PRKCE: variants seen among roughly 807,000 people sequenced by gnomAD.
The protein encoded by PRKCE is protein kinase C epsilon.
Under a neutral mutation model 85.4 loss-of-function variants are expected in PRKCE, and 16 were observed. The observed-to-expected ratio is 0.19, with a 90% CI of 0.13 to 0.28. The LOEUF is 0.28. PRKCE is among the 10% of genes least tolerant of loss of function. The pLI is 1.00. For missense variants in PRKCE, 573 were observed against 975.2 expected, an observed-to-expected ratio of 0.59 and a Z score of 5.49; for synonymous variants, 388 against 371.5, an observed-to-expected ratio of 1.04 and a Z score of -0.51.
chr2:45,818,809 A>G (rs945974562), intron 1 of PRKCE, among the ~76,000 whole-genome samples: 3 of 152,230 alleles, frequency 2.0e-5, no homozygotes, highest in African/African-American at 7.2e-5. Context: ...TTTCCAAAAC[A>G]TGGATAATGA....
At chr2:46,021,655 C>A (rs1203314988) in intron 10 of PRKCE, among the ~76,000 whole-genome samples, 2 of 152,198 alleles carry the variant, frequency 1.3e-5, no homozygotes, top group Non-Finnish European at 2.9e-5. Flanking sequence ...CATTTGGTCA[C>A]AGTTCAGTTG....
At chr2:45,899,944 C>T (rs183493613) in intron 2 of PRKCE, among the ~76,000 whole-genome samples, 11 of 152,236 alleles carry the variant, frequency 7.2e-5, no homozygotes, top group African/African-American at 1.7e-4. Context: ...TCTACTAGCC[C>T]GGGCTCAACT....
intron 1 of PRKCE, among the ~76,000 whole-genome samples, chr2:45,670,336 C>T (rs1041454471): frequency 5.3e-5 from 8 of 152,156 alleles, no homozygotes; most frequent in African/African-American, 1.9e-4. Flanking sequence ...AAGGCATATC[C>T]TGTCTAGGCT....
chr2:45,676,468 A>G (rs1572907652), intron 1 of PRKCE, among the ~76,000 whole-genome samples: 1 of 152,262 alleles, frequency 6.6e-6, no homozygotes, highest in Non-Finnish European at 1.5e-5. Flanking sequence ...GACGTCAATA[A>G]GGATTATATT....
At chr2:45,896,754 G>A (rs368233067) in intron 2 of PRKCE, among the ~76,000 whole-genome samples, 20 of 152,310 alleles carry the variant, frequency 1.3e-4, no homozygotes, top group African/African-American at 4.6e-4. Context: ...TAGGTGCGCA[G>A]TAGAGCTTCA....
At chr2:46,097,614 G>A (rs188558764) in intron 11 of PRKCE, among the ~76,000 whole-genome samples, 103 of 151,882 alleles carry the variant, frequency 6.8e-4, no homozygotes, top group African/African-American at 2.0e-3. Context: ...TGAGAACCCG[G>A]CCCAAGCCCT....
chr2:45,907,051 T>G lies in PRKCE; in HGVS notation c.412+63988T>G, dbSNP rs1303011809. On this transcript the variant is annotated intron_variant, in intron 2 of 14. Coordinates refer to ENST00000306156, the MANE Select transcript of PRKCE (RefSeq NM_005400.3). The surrounding 1 kb of genome is among the most constrained non-coding windows in gnomAD (Gnocchi z 4.5). The stretch of plus-strand genomic sequence containing the variant: ...GGATGGGGCCCCAGTTGCTCCAAAA[T>G]TAGGCGTCGGAGGTCTAAGTGGTAT... Among the ~76,000 whole-genome samples, 1 of 151,110 alleles carries G rather than the reference T, an allele frequency of 6.6e-6. No homozygotes were observed. Among genetic ancestry groups the G allele is most frequent in the Non-Finnish European group, 1.5e-5 (1 of 67,912 alleles).
chr2:46,015,818 G>C (rs1247515639), intron 10 of PRKCE, among the ~76,000 whole-genome samples: 1 of 151,834 alleles, frequency 6.6e-6, no homozygotes, highest in African/African-American at 2.4e-5. Context: ...TCTCTTTCCT[G>C]CTAGACCATA....
intron 10 of PRKCE, among the ~76,000 whole-genome samples, chr2:46,067,156 T>C (rs1017033165): frequency 6.6e-5 from 10 of 152,358 alleles, no homozygotes; most frequent in Admixed American, 5.2e-4. Context: ...TACCTTTGCA[T>C]TGGCTATTAA....
At chr2:45,654,596 G>A (rs928924756) in intron 1 of PRKCE, among the ~76,000 whole-genome samples, 1 of 152,216 alleles carries the variant, frequency 6.6e-6, no homozygotes, top group Non-Finnish European at 1.5e-5. Flanking sequence ...CATGTGCTGT[G>A]TCCCTGACAT....
At chr2:45,717,633 T>G (rs2104429955) in intron 1 of PRKCE, among the ~76,000 whole-genome samples, 1 of 152,198 alleles carries the variant, frequency 6.6e-6, no homozygotes, top group East Asian at 1.9e-4. Context: ...GTTTTTGTAT[T>G]TAATGGTGAT....
At chr2:45,771,083 G>C (rs563294387) in intron 1 of PRKCE, among the ~76,000 whole-genome samples, 1 of 152,210 alleles carries the variant, frequency 6.6e-6, no homozygotes, top group South Asian at 2.1e-4. Context: ...TGATGATGAG[G>C]GTCCCCCAGT....
intron 11 of PRKCE, among the ~76,000 whole-genome samples, chr2:46,119,003 G>T (rs1396372045): frequency 6.6e-6 from 1 of 152,172 alleles, no homozygotes; most frequent in Non-Finnish European, 1.5e-5. Flanking sequence ...CACGAACTCG[G>T]CTCCAGGAGG....
intron 10 of PRKCE, among the ~76,000 whole-genome samples, chr2:46,054,359 A>G (rs993536270): frequency 2.6e-5 from 4 of 152,252 alleles, no homozygotes; most frequent in Non-Finnish European, 5.9e-5. Context: ...CAGGACATTA[A>G]GTGATTCCTT....
intron 2 of PRKCE, among the ~76,000 whole-genome samples, chr2:45,927,521 G>A (rs1183983016): frequency 1.3e-5 from 2 of 152,134 alleles, no homozygotes; most frequent in African/African-American, 4.8e-5. Flanking sequence ...GAGTCCAAGG[G>A]CCATAACTGC....
chr2:45,774,613 G>T lies in PRKCE; in HGVS notation c.349-68387G>T, dbSNP rs1283635176. On this transcript the variant is annotated intron_variant, in intron 1 of 14. Coordinates refer to ENST00000306156, the MANE Select transcript of PRKCE (RefSeq NM_005400.3). This position sits in a 1 kb window ranked among gnomAD's most constrained non-coding sequence, Gnocchi z 4.3. Reference sequence around the variant, plus strand: ...CTGTACAGAGCAGGCAGCCTGTGGGGTAGGGTTGCACTGAGAGGGGTATTC... The same window carrying T: ...CTGTACAGAGCAGGCAGCCTGTGGGTTAGGGTTGCACTGAGAGGGGTATTC... Among the ~76,000 whole-genome samples the T allele has an allele frequency of 2.0e-5, 3 of 152,194 alleles. No homozygotes were observed. The highest frequency in any genetic ancestry group is 4.4e-5 in the Non-Finnish European group (3 of 68,038).
At chr2:45,922,078 T>A (rs1698289859) in intron 2 of PRKCE, among the ~76,000 whole-genome samples, 1 of 152,126 alleles carries the variant, frequency 6.6e-6, no homozygotes, top group Admixed American at 6.5e-5. Context: ...TGGGACTATT[T>A]TCTTAAGGGC....
chr2:46,046,220 T>C (rs116272654), intron 10 of PRKCE, among the ~76,000 whole-genome samples: 3,331 of 152,350 alleles, frequency 0.022, 41 homozygotes, highest in Middle Eastern at 0.048. Flanking sequence ...GCTGCCATCC[T>C]TTGTTCAGAG....
At chr2:45,956,962 AT>A (rs1701016394) in intron 2 of PRKCE, among the ~76,000 whole-genome samples, 2 of 152,030 alleles carry the variant, frequency 1.3e-5, no homozygotes, top group Admixed American at 1.3e-4. Context: ...TGTTGTTCAC[AT>A]TTTTAGCTCA....
Sources: allele counts gnomAD v4.1 joint callset (sites outside exome capture counted in the v4.1 genomes callset), GRCh38; gene constraint gnomAD v4.1.1; non-coding constraint Gnocchi (gnomAD v3.1); transcripts MANE v1.5; gene names NCBI Gene and HGNC (gene_info 2026-07-23, HGNC 2026-07-21).